RAB3C: variants seen among roughly 807,000 people sequenced by gnomAD.
RAB3C encodes RAB3C, member RAS oncogene family.
Under a neutral mutation model 26.4 loss-of-function variants are expected in RAB3C, and 17 were observed. The ratio of observed to expected loss-of-function variants is 0.64; its 90% confidence interval spans 0.44 to 0.97. The LOEUF (loss-of-function observed/expected upper bound fraction) is 0.97, where lower values mean the gene tolerates loss of function less well. Ranked by LOEUF, RAB3C falls within the 50% of genes least tolerant of loss-of-function variation. The pLI, the probability that RAB3C is intolerant of heterozygous loss-of-function variation, is 0.00. For missense variants in RAB3C, 242 were observed against 281.9 expected, an observed-to-expected ratio of 0.86 and a Z score of 1.01; for synonymous variants, 91 against 95.9, an observed-to-expected ratio of 0.95 and a Z score of 0.30.
chr5:58,818,023 G>A (rs1029988521), intron 3 of RAB3C, among the ~76,000 whole-genome samples: 1 of 152,206 alleles, frequency 6.6e-6, no homozygotes, highest in Non-Finnish European at 1.5e-5. Flanking sequence ...GCTTCGCTGG[G>A]TGAGGAAGAG....
At chr5:58,583,791 C>G (rs1240227116) in intron 1 of RAB3C, among the ~76,000 whole-genome samples, 1 of 152,158 alleles carries the variant, frequency 6.6e-6, no homozygotes, top group African/African-American at 2.4e-5. Context: ...CTGAGCTATG[C>G]CAGCATCACT....
chr5:58,624,242 A>G (rs976527187), intron 2 of RAB3C, among the ~76,000 whole-genome samples: 7 of 152,174 alleles, frequency 4.6e-5, no homozygotes, highest in African/African-American at 1.7e-4. Context: ...TAAATGGTCC[A>G]AAAGGCCTGA....
At chr5:58,677,382 A>G (rs951990071) in intron 2 of RAB3C, among the ~76,000 whole-genome samples, 1 of 152,196 alleles carries the variant, frequency 6.6e-6, no homozygotes, top group Non-Finnish European at 1.5e-5. Flanking sequence ...TGGCTTTCTT[A>G]TAAGTCTTTT....
At chr5:58,618,097 A>G (rs991728685) in intron 2 of RAB3C, among the ~76,000 whole-genome samples, 48 of 145,356 alleles carry the variant, frequency 3.3e-4, no homozygotes, top group Non-Finnish European at 1.1e-4. Flanking sequence ...GCTCCTTAAG[A>G]GTCTTCAGAA....
rs546730948 is a variant in RAB3C, at chr5:58,704,425, T to C, written c.253-21577T>C. Among the ~76,000 whole-genome samples, 14 of 152,290 alleles carry C rather than the reference T, an allele frequency of 9.2e-5. No individual in the cohort carries two copies. The South Asian group carries it at 2.5e-3, about 27-fold the overall frequency. ...AGACTTCCAAATTAAAGGACTCTGATAGAATAAACTGCATCAATATCTCTA... is the reference window on the plus strand; with the variant it reads ...AGACTTCCAAATTAAAGGACTCTGACAGAATAAACTGCATCAATATCTCTA... On this transcript the variant is annotated intron_variant, in intron 2 of 4. Transcript: ENST00000282878.
chr5:58,705,903 C>G (rs1024392801), intron 2 of RAB3C, among the ~76,000 whole-genome samples: 1 of 152,160 alleles, frequency 6.6e-6, no homozygotes, highest in Non-Finnish European at 1.5e-5. Context: ...TAAGGCTGCA[C>G]TTGATCCTGT....
chr5:58,649,681 AG>A (rs2111783735), intron 2 of RAB3C, among the ~76,000 whole-genome samples: 1 of 152,216 alleles, frequency 6.6e-6, no homozygotes, highest in South Asian at 2.1e-4. Context: ...AAGCCCGACA[AG>A]CTCTTGTCTC....
At chr5:58,624,541 A>G (rs1185122059) in intron 2 of RAB3C, among the ~76,000 whole-genome samples, 1 of 152,176 alleles carries the variant, frequency 6.6e-6, no homozygotes, top group African/African-American at 2.4e-5. Flanking sequence ...AGGTGACCAT[A>G]CAAACACATT....
At chr5:58,680,173 C>T (rs1748317437) in intron 2 of RAB3C, among the ~76,000 whole-genome samples, 1 of 151,964 alleles carries the variant, frequency 6.6e-6, no homozygotes, top group South Asian at 2.1e-4. Context: ...CAGAAGTTTC[C>T]CTTTTAAAAA....
In RAB3C at chr5:58,854,676, A is replaced by G. The variant is rs1744220064; in HGVS notation, c.*3325A>G. Reference sequence around the variant, plus strand: ...CTAGTTCCTCCTTAGGGTCACTTGAAGTTCAGTATTTTTTTGCTGCCTGGT... The same window carrying G: ...CTAGTTCCTCCTTAGGGTCACTTGAGGTTCAGTATTTTTTTGCTGCCTGGT... On this transcript the variant is annotated 3_prime_UTR_variant, in exon 5 of 5. Coordinates refer to ENST00000282878, the MANE Select transcript of RAB3C (RefSeq NM_138453.4). The G allele has an allele frequency of 6.6e-6, 1 of 152,206 alleles. No homozygotes were observed. Among genetic ancestry groups the G allele is most frequent in the South Asian group, 2.1e-4 (1 of 4,838 alleles). The allele number at this position is 152,206 out of a possible 1,614,324, so 9.4% of individuals were successfully genotyped here. A position where few individuals can be genotyped will look rare whatever the true frequency, so the allele number is the denominator to read the frequency against.
chr5:58,840,225 T>C (rs968645374), intron 4 of RAB3C, among the ~76,000 whole-genome samples: 3 of 152,054 alleles, frequency 2.0e-5, no homozygotes, highest in African/African-American at 7.2e-5. Context: ...ACTTCAGAAA[T>C]TCTTTTTTCT....
chr5:58,589,354 G>C (rs1439156144), intron 1 of RAB3C, among the ~76,000 whole-genome samples: 4 of 151,996 alleles, frequency 2.6e-5, no homozygotes, highest in African/African-American at 4.8e-5. Context: ...AGTCATGATG[G>C]ATATTGGGCT....
At chr5:58,742,691 A>T (rs1468867063) in intron 3 of RAB3C, among the ~76,000 whole-genome samples, 1 of 152,126 alleles carries the variant, frequency 6.6e-6, no homozygotes, top group African/African-American at 2.4e-5. Flanking sequence ...CAATATGGTA[A>T]TTTATGTAAA....
intron 3 of RAB3C, among the ~76,000 whole-genome samples, chr5:58,749,245 T>C (rs1353429352): frequency 2.0e-5 from 3 of 152,234 alleles, no homozygotes; most frequent in Non-Finnish European, 4.4e-5. Flanking sequence ...CTTCACCATC[T>C]TTCTTTCATA....
At chr5:58,745,168 C>A (rs893432466) in intron 3 of RAB3C, among the ~76,000 whole-genome samples, 1 of 151,878 alleles carries the variant, frequency 6.6e-6, no homozygotes, top group East Asian at 1.9e-4. Flanking sequence ...GAGGCCAAGA[C>A]GGGTGGATCA....
At chr5:58,589,837 C>T (rs1746091751) in intron 1 of RAB3C, among the ~76,000 whole-genome samples, 1 of 152,180 alleles carries the variant, frequency 6.6e-6, no homozygotes, top group Non-Finnish European at 1.5e-5. Flanking sequence ...AACTTTCTCT[C>T]ATTGAATTTA....
intron 3 of RAB3C, among the ~76,000 whole-genome samples, chr5:58,775,584 C>T (rs1489704817): frequency 2.6e-5 from 4 of 152,006 alleles, no homozygotes; most frequent in South Asian, 2.1e-4. Flanking sequence ...ACACATGATA[C>T]GTACCAGGTG....
chr5:58,707,012 GA>G (rs570375581), intron 2 of RAB3C, among the ~76,000 whole-genome samples: 75 of 152,254 alleles, frequency 4.9e-4, no homozygotes, highest in African/African-American at 1.7e-3. Flanking sequence ...GATTGCCTTG[GA>G]CATTCCATAT....
At chr5:58,689,622 C>T (rs1015710340) in intron 2 of RAB3C, among the ~76,000 whole-genome samples, 1 of 152,024 alleles carries the variant, frequency 6.6e-6, no homozygotes, top group Non-Finnish European at 1.5e-5. Flanking sequence ...ATGGTGAAGA[C>T]AATGAGGCTT....
Sources: allele counts gnomAD v4.1 joint callset (sites outside exome capture counted in the v4.1 genomes callset), GRCh38; gene constraint gnomAD v4.1.1; transcripts MANE v1.5; gene names NCBI Gene and HGNC (gene_info 2026-07-23, HGNC 2026-07-21).